ADCY8: variants seen among roughly 807,000 people sequenced by gnomAD.
ADCY8 encodes adenylate cyclase type 8.
ADCY8 carries 51 observed loss-of-function variants against 119.7 expected under a neutral mutation model. That is an observed-to-expected ratio of 0.43 (90% CI 0.34 to 0.54). The LOEUF (loss-of-function observed/expected upper bound fraction) is 0.54, where lower values mean the gene tolerates loss of function less well. Among genes scored for constraint, ADCY8 ranks in the 20% least tolerant of loss-of-function variants. The probability of loss-of-function intolerance (pLI) is 0.03; values close to 1 mark genes in which losing one functional copy is unlikely to be tolerated. For missense variants in ADCY8, 1,383 were observed against 1,598.8 expected, an observed-to-expected ratio of 0.87 and a Z score of 2.30; for synonymous variants, 665 against 651.0, an observed-to-expected ratio of 1.02 and a Z score of -0.33.
intron 7 of ADCY8, among the ~76,000 whole-genome samples, chr8:130,896,318 T>C (rs1212212170): frequency 1.3e-5 from 2 of 152,146 alleles, no homozygotes; most frequent in African/African-American, 4.8e-5. Flanking sequence ...AAGCTGTTGA[T>C]AAATGCATGG....
intron 1 of ADCY8, among the ~76,000 whole-genome samples, chr8:130,992,587 G>C (rs1822631641): frequency 6.6e-6 from 1 of 151,380 alleles, no homozygotes; most frequent in Non-Finnish European, 1.5e-5. Context: ...GCTAATTTTT[G>C]TATTTTTAGT....
At chr8:130,889,416 ATAAGAC>A (rs11279618) in intron 7 of ADCY8, among the ~76,000 whole-genome samples, 1,707 of 152,278 alleles carry the variant, frequency 0.011, 36 homozygotes, top group African/African-American at 0.039. Flanking sequence ...TTCCACAGAA[ATAAGAC>A]TTTTAAACTC....
chr8:130,905,108 C>A (rs556407009), intron 6 of ADCY8, among the ~76,000 whole-genome samples: 1 of 152,218 alleles, frequency 6.6e-6, no homozygotes, highest in South Asian at 2.1e-4. Flanking sequence ...GATTATTCTA[C>A]GAGTTGATTT....
intron 2 of ADCY8, among the ~76,000 whole-genome samples, chr8:130,981,663 A>G (rs1317150452): frequency 1.3e-5 from 2 of 152,252 alleles, no homozygotes; most frequent in African/African-American, 4.8e-5. Flanking sequence ...GCACATGAGC[A>G]TAGGGTCATG....
intron 5 of ADCY8, among the ~76,000 whole-genome samples, chr8:130,924,671 A>G (rs1389709121): frequency 6.6e-6 from 1 of 152,158 alleles, no homozygotes; most frequent in Non-Finnish European, 1.5e-5. Context: ...TCTCATTGGT[A>G]AAGTAGGAGC....
At chr8:130,895,578 C>G (rs1474062844) in intron 7 of ADCY8, among the ~76,000 whole-genome samples, 1 of 152,124 alleles carries the variant, frequency 6.6e-6, no homozygotes, top group Non-Finnish European at 1.5e-5. Context: ...GCAGACCCCA[C>G]TAATGATTCT....
chr8:131,017,474 C>A (rs1008323930), intron 1 of ADCY8, among the ~76,000 whole-genome samples: 1 of 152,208 alleles, frequency 6.6e-6, no homozygotes, highest in Non-Finnish European at 1.5e-5. Flanking sequence ...CTTGTCTCCA[C>A]ACATTGGCTT....
At chr8:130,873,452 G>C (rs2130419018) in intron 8 of ADCY8, among the ~76,000 whole-genome samples, 1 of 152,176 alleles carries the variant, frequency 6.6e-6, no homozygotes, top group African/African-American at 2.4e-5. Flanking sequence ...TTATGCAGCT[G>C]GGATTACAGG....
intron 1 of ADCY8, among the ~76,000 whole-genome samples, chr8:131,000,009 T>G (rs1822894271): frequency 6.6e-6 from 1 of 152,222 alleles, no homozygotes; most frequent in East Asian, 1.9e-4. Flanking sequence ...CAAGTATGAC[T>G]TACTTTAATT....
Position 130,902,555 on chromosome 8 carries a change from C to T in ADCY8, c.1911+1217G>A, listed in dbSNP as rs555870981. Among the ~76,000 whole-genome samples, 10 of 152,270 alleles carry T rather than the reference C, an allele frequency of 6.6e-5. No homozygotes were observed. In the South Asian group the frequency reaches 2.1e-3, roughly 32 times the overall value. On this transcript the variant is annotated intron_variant, in intron 7 of 17. Transcript: ENST00000286355. ...ATGCATTTTCTCATAGTTTTTCCCC[C>T]ACAGATCCAGAAAGAAACCAAAGAC...
intron 1 of ADCY8, among the ~76,000 whole-genome samples, chr8:131,003,541 TG>T (rs1220851674): frequency 6.6e-6 from 1 of 152,134 alleles, no homozygotes; most frequent in African/African-American, 2.4e-5. Flanking sequence ...GAAGGGGACT[TG>T]GGGGAACGTC....
At chr8:131,030,001 G>A (rs1041553228) in intron 1 of ADCY8, among the ~76,000 whole-genome samples, 10 of 152,176 alleles carry the variant, frequency 6.6e-5, no homozygotes, top group African/African-American at 2.2e-4. Flanking sequence ...AGATGGATAA[G>A]ATACAATTCT....
intron 8 of ADCY8, among the ~76,000 whole-genome samples, chr8:130,868,472 C>T (rs1191956052): frequency 2.0e-5 from 3 of 152,102 alleles, no homozygotes; most frequent in African/African-American, 4.8e-5. Context: ...ACTAATAGAC[C>T]AATATGCTTG....
intron 13 of ADCY8, among the ~76,000 whole-genome samples, chr8:130,820,208 T>C (rs908243889): frequency 6.6e-6 from 1 of 152,226 alleles, no homozygotes; most frequent in Non-Finnish European, 1.5e-5. Context: ...CACTGTACAA[T>C]CCCCTTTATT....
intron 7 of ADCY8, among the ~76,000 whole-genome samples, chr8:130,885,153 A>C (rs1818932332): frequency 1.3e-5 from 2 of 152,050 alleles, no homozygotes; most frequent in South Asian, 4.1e-4. Context: ...TCTCCAACTG[A>C]GTAGATTCCA....
chr8:130,802,340 G>A (rs1815806907), intron 14 of ADCY8, among the ~76,000 whole-genome samples: 1 of 152,118 alleles, frequency 6.6e-6, no homozygotes, highest in Non-Finnish European at 1.5e-5. Context: ...TCCTACCACT[G>A]TGTGTGTGTT....
intron 7 of ADCY8, among the ~76,000 whole-genome samples, chr8:130,899,377 G>A (rs1019291132): frequency 3.9e-5 from 6 of 152,108 alleles, no homozygotes; most frequent in East Asian, 3.9e-4. Context: ...AGTCTGAGGC[G>A]AGTGCATCAT....
At chr8:130,820,684 A>T (rs1302136518) in intron 13 of ADCY8, among the ~76,000 whole-genome samples, 2 of 152,176 alleles carry the variant, frequency 1.3e-5, no homozygotes, top group Non-Finnish European at 2.9e-5. Flanking sequence ...GGGATTTTGT[A>T]CAGTTCTGCC....
At chr8:130,997,928 C>A (rs1247796279) in intron 1 of ADCY8, among the ~76,000 whole-genome samples, 1 of 152,154 alleles carries the variant, frequency 6.6e-6, no homozygotes, top group Admixed American at 6.6e-5. Flanking sequence ...GTGTGATATA[C>A]TTGAGAAATA....
Sources: gnomAD v4.1 joint callset for allele counts (sites outside exome capture counted in the v4.1 genomes callset) on GRCh38, gnomAD v4.1.1 for gene constraint, MANE v1.5 for transcripts, NCBI Gene and HGNC (gene_info 2026-07-23, HGNC 2026-07-21) for gene names.